The following ATP11C variants were observed in gnomAD, a reference collection of about 807,000 sequenced individuals.
ATP11C encodes phospholipid-transporting ATPase IG.
Under a neutral mutation model 97.4 loss-of-function variants are expected in ATP11C, and 36 were observed. The ratio of observed to expected loss-of-function variants is 0.37; its 90% CI spans 0.28 to 0.49. The LOEUF is 0.49. Ranked by LOEUF, ATP11C falls within the 20% of genes least tolerant of loss-of-function variation. The pLI, the probability that ATP11C is intolerant of heterozygous loss-of-function variation, is 0.98. For synonymous variants in ATP11C, 275 were observed against 290.9 expected, an observed-to-expected ratio of 0.95 and a Z score of 0.56; for missense variants, 730 against 824.6, an observed-to-expected ratio of 0.89 and a Z score of 1.40.
chrX:139,881,690 CTT>C (rs977768970), intron 1 of ATP11C, among the ~76,000 whole-genome samples: 1 of 111,992 alleles, frequency 8.9e-6, no homozygotes, highest in Non-Finnish European at 1.9e-5. Flanking sequence ...TTAGCTGAGA[CTT>C]TGAAATCTCT....
In ATP11C at chrX:139,854,696, AAC is replaced by A. The variant is rs1399226380; in HGVS notation, c.28-27875_28-27874del. Among the ~76,000 whole-genome samples the A allele has an allele frequency of 4.2e-4, 47 of 112,691 alleles. No homozygotes were observed. The Admixed American group carries it at 4.4e-3, about 11-fold the overall frequency. On this transcript the variant is annotated intron_variant, in intron 1 of 29. Transcript: ENST00000682941. ...CTCCTGAATGTAAAACTATTGCAGA[AAC>A]AGTTTATTTGCAAGGTGTATAAGCA... is the stretch of plus-strand genomic sequence containing the variant.
intron 22 of ATP11C, 125 bp from the exon 23 acceptor site, chrX:139,757,992 T>C (rs1034404061): frequency 4.5e-5 from 19 of 426,689 alleles, no homozygotes; most frequent in African/African-American, 2.7e-4. Context: ...CAGAATGCAA[T>C]AAACCTCTAT....
chrX:139,799,053 G>A (rs187725645), intron 8 of ATP11C, among the ~76,000 whole-genome samples: 19 of 111,411 alleles, frequency 1.7e-4, no homozygotes, highest in Admixed American at 1.2e-3. Context: ...GCAGCAGATC[G>A]CAAGACACAA....
At chrX:139,786,398 A>G (rs1328575492) in intron 15 of ATP11C, among the ~76,000 whole-genome samples, 1 of 111,338 alleles carries the variant, frequency 9.0e-6, no homozygotes, top group Non-Finnish European at 1.9e-5. Flanking sequence ...GCACTGTTGC[A>G]GATGGGCTAG....
intron 1 of ATP11C, among the ~76,000 whole-genome samples, chrX:139,855,735 G>A: frequency 8.9e-6 from 1 of 111,965 alleles, no homozygotes; most frequent in East Asian, 2.8e-4. Flanking sequence ...GTGGGGACTT[G>A]CCAAGTCAAA....
Position 139,774,928 on chromosome X carries a change from T to C in ATP11C, c.1978A>G (p.Ile660Val). Reference protein sequence around the residue: ...DKLQDQAAETIEALHAAGLKV... With the variant: ...DKLQDQAAETVEALHAAGLKV... The stretch of plus-strand genomic sequence containing the variant: ...AGGCCTGCTGCATGCAGAGCTTCAA[T>C]GGTCTCTGCAGCTTGATCTTGTAGC... The change falls in exon 19 of 30, where the codon ATT becomes GTT. Residue 660 changes from isoleucine to valine, a missense_variant. Coordinates refer to ENST00000682941, the MANE Select transcript of ATP11C (RefSeq NM_001353812.2). 1 of 1,209,547 alleles carries C rather than the reference T, an allele frequency of 8.3e-7. No homozygotes were observed. Among genetic ancestry groups the C allele is most frequent in the Non-Finnish European group, 1.1e-6 (1 of 894,284 alleles).
At chrX:139,916,538 A>G (rs1210004540) in intron 1 of ATP11C, among the ~76,000 whole-genome samples, 1 of 111,222 alleles carries the variant, frequency 9.0e-6, no homozygotes, top group African/African-American at 3.3e-5. Flanking sequence ...GGACAGGTTC[A>G]TAGTAACATG....
intron 12 of ATP11C, among the ~76,000 whole-genome samples, chrX:139,795,948 A>G (rs966872931): frequency 1.8e-5 from 2 of 112,178 alleles, no homozygotes; most frequent in African/African-American, 6.5e-5. Flanking sequence ...CCCATATTCT[A>G]TCCACAAATG....
intron 1 of ATP11C, among the ~76,000 whole-genome samples, chrX:139,873,706 C>CAAAAAA (rs58064711): frequency 6.4e-4 from 11 of 17,276 alleles, no homozygotes; most frequent in East Asian, 1.6e-3. Flanking sequence ...GACTCCAACT[C>CAAAAAA]AAAAAAAAAA....
In ATP11C at chrX:139,816,918, G is replaced by A; in HGVS notation, c.263C>T (p.Pro88Leu). The A allele has an allele frequency of 8.3e-7, 1 of 1,197,752 alleles. No individual in the cohort carries two copies. Among genetic ancestry groups the A allele is most frequent in the Non-Finnish European group, 1.1e-6 (1 of 885,862 alleles). ...GAAAAGTGGAAGTCCACTGGTAACTGGGCTAGTTGGTGTGTCTACTGTGAC... is the reference window on the plus strand; with the variant it reads ...GAAAAGTGGAAGTCCACTGGTAACTAGGCTAGTTGGTGTGTCTACTGTGAC... Reference protein sequence around the residue: ...VQVTVDTPTSPVTSGLPLFFV... With the variant: ...VQVTVDTPTSLVTSGLPLFFV... The change falls in exon 4 of 30, where the codon CCA (proline) becomes CTA (leucine). Residue 88 changes from proline (P) to leucine (L), a missense_variant. Coordinates refer to ENST00000682941, the MANE Select transcript of ATP11C (RefSeq NM_001353812.2).
intron 26 of ATP11C, among the ~76,000 whole-genome samples, chrX:139,742,876 AATATATATATAT>A (rs869303916): frequency 3.8e-3 from 99 of 26,202 alleles, no homozygotes; most frequent in Admixed American, 4.4e-3. Flanking sequence ...AAAAAAAAAA[AATATATATATAT>A]ATATATATAT....
intron 15 of ATP11C, among the ~76,000 whole-genome samples, chrX:139,785,775 A>G (rs926204757): frequency 4.5e-5 from 5 of 111,490 alleles, no homozygotes; most frequent in Admixed American, 9.6e-5. Flanking sequence ...TTTCTCAAAT[A>G]CTGTAATAAA....
chrX:139,870,949 G>A (rs772603203), intron 1 of ATP11C, among the ~76,000 whole-genome samples: 1 of 106,932 alleles, frequency 9.4e-6, no homozygotes, highest in African/African-American at 3.4e-5. Context: ...CCAGCTACTC[G>A]GGAGGCTGAG....
rs2081968154 is a variant in ATP11C at position 139,757,876 on chromosome X, A to C, written c.2641-9T>G. The C allele has an allele frequency of 1.7e-6, 2 of 1,149,046 alleles. No homozygotes were observed. The highest frequency in any genetic ancestry group is 1.2e-6 in the Non-Finnish European group (1 of 852,726). The allele number at this position is 1,149,046 out of a possible 1,213,427, so 94.7% of individuals were successfully genotyped here. ...AAAATGAAACAAAGGTTCTGAAAAA[A>C]AAAAATTAAGACAAGGATTAACATT... On this transcript the variant is annotated splice_polypyrimidine_tract_variant and intron_variant, in intron 22 of 29. Transcript: ENST00000682941.
Position 139,727,231 on chromosome X carries a change from A to G in ATP11C, c.*1735T>C, listed in dbSNP as rs1453705156. The G allele has an allele frequency of 8.9e-6, 1 of 112,271 alleles. No individual in the cohort carries two copies. The highest frequency in any genetic ancestry group is 3.2e-5 in the African/African-American group (1 of 30,857). 9.3% of individuals were successfully genotyped at this position (112,271 alleles called of 1,213,427 possible). On this transcript the variant is annotated 3_prime_UTR_variant, in exon 30 of 30. Coordinates refer to ENST00000682941, the MANE Select transcript of ATP11C (RefSeq NM_001353812.2). The stretch of plus-strand genomic sequence containing the variant: ...CAATCATAATACAGCAACAACAACC[A>G]TAAGAACAAGAAAACAAACACAAAA...
At chrX:139,930,278 A>C (rs1441408020) in intron 1 of ATP11C, among the ~76,000 whole-genome samples, 1 of 110,077 alleles carries the variant, frequency 9.1e-6, no homozygotes, top group East Asian at 2.9e-4. Context: ...AGACTCTGAT[A>C]CGATGCAGAT....
At chrX:139,929,976 C>T (rs1030854447) in intron 1 of ATP11C, among the ~76,000 whole-genome samples, 10 of 111,433 alleles carry the variant, frequency 9.0e-5, no homozygotes, top group Admixed American at 4.8e-4. Context: ...TAATTCCTTG[C>T]CCTGGGCCTA....
At chrX:139,868,778 C>A (rs1053091321) in intron 1 of ATP11C, among the ~76,000 whole-genome samples, 1 of 107,667 alleles carries the variant, frequency 9.3e-6, no homozygotes, top group Non-Finnish European at 1.9e-5. Flanking sequence ...TAGCAAAAAA[C>A]CAAATAGCCC....
At chrX:139,933,617 A>G (rs777551472), upstream of ATP11C, among the ~76,000 whole-genome samples, 89 of 112,173 alleles carry the variant, frequency 7.9e-4, no homozygotes, top group Non-Finnish European at 1.2e-3. Flanking sequence ...AGTCAAAAAG[A>G]AGGAAAGGGA....
Sources: gnomAD v4.1 joint callset for allele counts (sites outside exome capture counted in the v4.1 genomes callset) on GRCh38, gnomAD v4.1.1 for gene constraint, MANE v1.5 for transcripts, NCBI Gene and HGNC (gene_info 2026-07-23, HGNC 2026-07-21) for gene names.